FKTN: variants seen among roughly 807,000 people sequenced by gnomAD.
FKTN encodes the protein fukutin, also known as ribitol-5-phosphate transferase FKTN.
In FKTN, 47 loss-of-function variants were observed where a neutral mutation model predicts 58.6. The observed-to-expected ratio is 0.80, with a 90% CI of 0.63 to 1.02. The LOEUF (loss-of-function observed/expected upper bound fraction) is 1.02, where lower values mean the gene tolerates loss of function less well. Ranked by LOEUF, FKTN falls within the 50% of genes least tolerant of loss-of-function variation. The probability of loss-of-function intolerance (pLI) is 0.00; values close to 1 mark genes in which losing one functional copy is unlikely to be tolerated. For synonymous variants in FKTN, 178 were observed against 191.9 expected (o/e 0.93, Z 0.60); for missense variants, 516 against 537.3 (o/e 0.96, Z 0.39).
chr9:105,612,615 G>A (rs532164794), intron 7 of FKTN, among the ~76,000 whole-genome samples: 2 of 152,240 alleles, frequency 1.3e-5, no homozygotes, highest in Non-Finnish European at 2.9e-5. Flanking sequence ...AGATGTTTAA[G>A]GTATATAGCT....
intron 3 of FKTN, among the ~76,000 whole-genome samples, chr9:105,590,145 T>C (rs941084752): frequency 6.6e-6 from 1 of 152,062 alleles, no homozygotes; most frequent in African/African-American, 2.4e-5. Flanking sequence ...ATAATTCCCA[T>C]GTGCTGGGGG....
chr9:105,585,932 T>C (rs1210278294), intron 3 of FKTN, among the ~76,000 whole-genome samples: 1 of 152,198 alleles, frequency 6.6e-6, no homozygotes, highest in African/African-American at 2.4e-5. Flanking sequence ...CTTGAGATTA[T>C]GTGTTAGAGA....
intron 7 of FKTN, among the ~76,000 whole-genome samples, chr9:105,614,220 G>A (rs190187854): frequency 3.3e-5 from 5 of 152,244 alleles, no homozygotes; most frequent in Admixed American, 2.0e-4. Flanking sequence ...CTCTAAAAAC[G>A]AAGAGAATCA....
At chr9:105,574,423 G>A (rs1218853681) in intron 2 of FKTN, 1 of 152,022 alleles carries the variant, frequency 6.6e-6, no homozygotes, top group Non-Finnish European at 1.5e-5. Context: ...GTTTATTGTG[G>A]CATTCTTTAC....
Position 105,622,512 on chromosome 9 carries a change from A to G in FKTN, c.1172+2451A>G, listed in dbSNP as rs369674266. Among the ~76,000 whole-genome samples, 3 of 152,032 alleles carry G rather than the reference A, an allele frequency of 2.0e-5. No homozygotes were observed. The South Asian group carries it at 6.2e-4, about 32-fold the overall frequency. ...AGGCACTGTGATAGGTAGTTCATAT[A>G]TATATTTATATATATAATCTGGTTA... On this transcript the variant is annotated intron_variant, in intron 10 of 10. Coordinates refer to ENST00000357998, the MANE Select transcript of FKTN (RefSeq NM_001079802.2).
rs147751942 is a variant in FKTN at position 105,607,561 on chromosome 9, G to A, written c.648-258G>A. ...TAATGTTTGATATTTGTAAGAGGCT[G>A]CCAGTATTCTGGGTTAAATCCTTTT... On this transcript the variant is annotated intron_variant, in intron 6 of 10. Coordinates refer to ENST00000357998, the MANE Select transcript of FKTN (RefSeq NM_001079802.2). Among the ~76,000 whole-genome samples, 7 of 151,930 alleles carry A rather than the reference G, an allele frequency of 4.6e-5. No individual in the cohort carries two copies. In the East Asian group the frequency reaches 1.4e-3, roughly 29 times the overall value.
Position 105,639,768 on chromosome 9 carries a change from T to G in FKTN, c.*4504T>G, listed in dbSNP as rs906396313. 2.8e-6 allele frequency: 3 copies of G among 1,080,786 alleles called. No individual in the cohort carries two copies. The East Asian group carries it at 1.8e-4, about 65-fold the overall frequency. The allele number at this position is 1,080,786 out of a possible 1,614,324, so 66.9% of individuals were successfully genotyped here. On this transcript the variant is annotated 3_prime_UTR_variant, in exon 11 of 11. Transcript: ENST00000357998. ...TCCTTCTCTCAATAGAACTTGTATT[T>G]TCATTTTCTTGGTTAAGCAGTTGTC...
Position 105,618,085 on chromosome 9 carries a change from T to C in FKTN, c.1037T>C (p.Phe346Ser), listed in dbSNP as rs750787127. 2 of 1,612,326 alleles carry C rather than the reference T, an allele frequency of 1.2e-6. No homozygotes were observed. Among genetic ancestry groups the C allele is most frequent in the Non-Finnish European group, 1.7e-6 (2 of 1,178,390 alleles). The change falls in exon 9 of 11, where the codon TTT becomes TCT. Residue 346 changes from phenylalanine (F) to serine (S), a missense_variant. Physicochemically the swap from Phe to Ser is radical, Grantham distance 155. Coordinates refer to ENST00000357998, the MANE Select transcript of FKTN (RefSeq NM_001079802.2). ...GCAGGACTTCCGCTCAAACACAAAT[T>C]TGGGAAGGTCAGTAACAAAAGTCGG... ...QDAGLPLKHK[F>S]GKVEDSLELS...
At chr9:105,582,167 C>G (rs981221665) in intron 3 of FKTN, among the ~76,000 whole-genome samples, 10 of 152,190 alleles carry the variant, frequency 6.6e-5, no homozygotes, top group Non-Finnish European at 1.3e-4. Flanking sequence ...GGAGCTGTTC[C>G]TATTCGGCCA....
At chr9:105,584,294 G>A (rs1843529317) in intron 3 of FKTN, among the ~76,000 whole-genome samples, 3 of 151,906 alleles carry the variant, frequency 2.0e-5, no homozygotes, top group Admixed American at 1.3e-4. Context: ...AGTATTTGTT[G>A]TATTGTGTCC....
At chr9:105,610,356 A>G (rs1052772731) in intron 7 of FKTN, among the ~76,000 whole-genome samples, 1 of 151,984 alleles carries the variant, frequency 6.6e-6, no homozygotes, top group Non-Finnish European at 1.5e-5. Flanking sequence ...GTATCTATCT[A>G]TTGAAACCTC....
chr9:105,582,062 T>C (rs1200190627), intron 3 of FKTN, among the ~76,000 whole-genome samples: 1 of 152,106 alleles, frequency 6.6e-6, no homozygotes, highest in Non-Finnish European at 1.5e-5. Context: ...CTGCGCCCAC[T>C]GTCTGGCACT....
intron 1 of FKTN, among the ~76,000 whole-genome samples, chr9:105,560,916 G>A (rs947205310): frequency 6.6e-6 from 1 of 151,972 alleles, no homozygotes; most frequent in Non-Finnish European, 1.5e-5. Context: ...ATGAAACCCT[G>A]TCTCTACTGA....
Position 105,639,928 on chromosome 9 carries a change from C to T in FKTN, c.*4664C>T, listed in dbSNP as rs1834310090. 3 of 1,457,544 alleles carry T rather than the reference C, an allele frequency of 2.1e-6. No homozygotes were observed. The highest frequency in any genetic ancestry group is 2.4e-5 in the Admixed American group (1 of 42,434). The allele number at this position is 1,457,544 out of a possible 1,614,324, so 90.3% of individuals were successfully genotyped here. ...CTTTCCTAGATGTAAATCTTTACCT[C>T]CTTGTTAGTGAAATTAGATATAAGC... On this transcript the variant is annotated 3_prime_UTR_variant, in exon 11 of 11. Transcript: ENST00000357998.
rs1416808395 is a variant in FKTN, at chr9:105,631,987, T to C, written c.1173-3064T>C. ...TGCACCCGTATGTTTATTGCGGCAT[T>C]ATTCACAATAGCAAAGACTTGGAAC... On this transcript the variant is annotated intron_variant, in intron 10 of 10. Coordinates refer to ENST00000357998, the MANE Select transcript of FKTN (RefSeq NM_001079802.2). Among the ~76,000 whole-genome samples the C allele has an allele frequency of 1.3e-4, 19 of 150,098 alleles. No individual in the cohort carries two copies. The South Asian group carries it at 3.8e-3, about 30-fold the overall frequency.
chr9:105,579,659 A>G (rs1842477016), intron 3 of FKTN, among the ~76,000 whole-genome samples: 2 of 144,270 alleles, frequency 1.4e-5, no homozygotes, highest in Admixed American at 7.0e-5. Context: ...TGGGGTGGAG[A>G]GTTCTGTAGA....
chr9:105,576,960 T>G (rs911162294), intron 3 of FKTN, among the ~76,000 whole-genome samples: 1 of 106,202 alleles, frequency 9.4e-6, no homozygotes, highest in African/African-American at 4.1e-5. Flanking sequence ...GCTGCATAAA[T>G]GTCTTCTTTT....
rs193922689 is a variant in FKTN, at chr9:105,601,141, A to G, written c.166-4A>G. On this transcript the variant is annotated splice_polypyrimidine_tract_variant and splice_region_variant and intron_variant, in intron 4 of 10. Transcript: ENST00000357998. ...ATTACGAGAATTCTTTTTCTCTCAA[A>G]CAGCGTGCAGTTAAAAAATTTATTA... 8.4e-4 allele frequency: 1,305 copies of G among 1,553,096 alleles called. 4 individuals are homozygous for G. The highest frequency in any genetic ancestry group is 9.0e-4 in the Non-Finnish European group (1,018 of 1,126,532).
At chr9:105,620,173 A>G (rs1831598607) in intron 10 of FKTN, 112 bp downstream of exon 10, 2 of 846,056 alleles carry the variant, frequency 2.4e-6, no homozygotes, top group African/African-American at 3.4e-5. Flanking sequence ...AGACTCCATT[A>G]TTAGCTAACA....
Sources: allele counts gnomAD v4.1 joint callset (sites outside exome capture counted in the v4.1 genomes callset), GRCh38; gene constraint gnomAD v4.1.1; transcripts MANE v1.5; gene names NCBI Gene and HGNC (gene_info 2026-07-23, HGNC 2026-07-21).